Variants in ZNF644 observed in about 807,000 individuals in gnomAD.
ZNF644 encodes zinc finger protein 644.
A neutral mutation model predicts 108.0 loss-of-function variants in ZNF644; 20 were observed. The ratio of observed to expected loss-of-function variants is 0.19; its 90% CI spans 0.13 to 0.27. ZNF644 has a LOEUF of 0.27. Ranked by LOEUF, ZNF644 falls within the 10% of genes least tolerant of loss-of-function variation. ZNF644 has a pLI of 1.00. For missense variants in ZNF644, 1,338 were observed against 1,548.9 expected, an observed-to-expected ratio of 0.86 and a Z score of 2.29; for synonymous variants, 542 against 539.1, an observed-to-expected ratio of 1.01 and a Z score of -0.08.
chr1:90,935,517 C>T, intron 4 of ZNF644: 2 of 985,840 alleles, frequency 2.0e-6, no homozygotes, highest in Non-Finnish European at 2.4e-6. Context: ...ATGTTCTAAG[C>T]TTCACAGGCA....
intron 2 of ZNF644, among the ~76,000 whole-genome samples, chr1:90,942,594 A>G (rs1014173471): frequency 3.3e-5 from 5 of 152,232 alleles, no homozygotes; most frequent in Non-Finnish European, 7.3e-5. Context: ...ATAAAAACAC[A>G]ATTTCAAAAA....
intron 4 of ZNF644, among the ~76,000 whole-genome samples, chr1:90,924,542 A>C (rs358696): frequency 6.6e-6 from 1 of 151,936 alleles, no homozygotes; most frequent in Non-Finnish European, 1.5e-5. Context: ...GAAAACCACC[A>C]AACTTTAAAA....
intron 2 of ZNF644, among the ~76,000 whole-genome samples, chr1:90,977,306 A>G (rs1433436818): frequency 6.6e-6 from 1 of 152,154 alleles, no homozygotes; most frequent in African/African-American, 2.4e-5. Flanking sequence ...ATTTACCATA[A>G]GGAAATATTT....
intron 1 of ZNF644, among the ~76,000 whole-genome samples, chr1:91,006,012 TAAGAA>T (rs1659387725): frequency 6.6e-6 from 1 of 151,790 alleles, no homozygotes; most frequent in Admixed American, 6.6e-5. Context: ...TTAGCTCAAC[TAAGAA>T]AAGATTTAGA....
Position 90,951,183 on chromosome 1 carries a change from A to AC in ZNF644, c.45-9875dup, listed in dbSNP as rs1653124334. On this transcript the variant is annotated intron_variant, in intron 2 of 5. Transcript: ENST00000337393. Reference sequence around the variant, plus strand: ...ATCAGCTGACTAATCTGGTATTAGTACAAGGACAGATCCTTACACACTTAC... The same window carrying AC: ...ATCAGCTGACTAATCTGGTATTAGTACCAAGGACAGATCCTTACACACTTAC... 2.0e-5 allele frequency among the ~76,000 whole-genome samples: 3 copies of AC among 152,364 alleles called. 1 individual carries two copies. The South Asian group carries it at 6.2e-4, about 32-fold the overall frequency.
At chr1:90,966,155 T>C (rs1016034633) in intron 2 of ZNF644, among the ~76,000 whole-genome samples, 4 of 152,338 alleles carry the variant, frequency 2.6e-5, no homozygotes, top group African/African-American at 9.6e-5. Context: ...CCTCCAAATA[T>C]ACTTACGGAT....
chr1:90,953,899 C>A (rs1653458632), intron 2 of ZNF644, among the ~76,000 whole-genome samples: 1 of 151,850 alleles, frequency 6.6e-6, no homozygotes, highest in South Asian at 2.1e-4. Flanking sequence ...GGTGACAGAG[C>A]GAGACTCTGT....
At chr1:90,953,848 A>C (rs1205313607) in intron 2 of ZNF644, among the ~76,000 whole-genome samples, 2 of 151,994 alleles carry the variant, frequency 1.3e-5, no homozygotes, top group Non-Finnish European at 2.9e-5. Context: ...CCTGGGAGGC[A>C]GAGGTTGCAG....
At chr1:90,955,246 T>C (rs1430339430) in intron 2 of ZNF644, among the ~76,000 whole-genome samples, 1 of 152,186 alleles carries the variant, frequency 6.6e-6, no homozygotes, top group Non-Finnish European at 1.5e-5. Flanking sequence ...AGAGCACAGG[T>C]AGAGATTTCG....
chr1:90,953,916 A>AAAC (rs747862064), intron 2 of ZNF644, among the ~76,000 whole-genome samples: 3 of 152,196 alleles, frequency 2.0e-5, no homozygotes, highest in Non-Finnish European at 4.4e-5. Context: ...CTGTCTCAAA[A>AAAC]AACAACAACA....
intron 1 of ZNF644, among the ~76,000 whole-genome samples, chr1:91,013,061 T>A (rs1043812560): frequency 4.6e-5 from 7 of 152,118 alleles, no homozygotes; most frequent in African/African-American, 1.4e-4. Context: ...AAATATTAAT[T>A]CAATATTTAT....
At chr1:90,968,989 T>C (rs1310177081) in intron 2 of ZNF644, among the ~76,000 whole-genome samples, 2 of 152,224 alleles carry the variant, frequency 1.3e-5, no homozygotes, top group Non-Finnish European at 2.9e-5. Context: ...TCATCATTTT[T>C]GGCAAATTTT....
At chr1:91,007,219 C>CTTTTTTTTTT (rs1557658445) in intron 1 of ZNF644, among the ~76,000 whole-genome samples, 1 of 114,248 alleles carries the variant, frequency 8.8e-6, no homozygotes, top group Non-Finnish European at 1.8e-5. Flanking sequence ...CATTTTCTCC[C>CTTTTTTTTTT]ATTTTGTTTT....
chr1:90,936,536 G>GC (rs1457071783), intron 4 of ZNF644, among the ~76,000 whole-genome samples: 1 of 152,054 alleles, frequency 6.6e-6, no homozygotes, highest in African/African-American at 2.4e-5. Context: ...CACAATGTCT[G>GC]CCCCAAAGCA....
intron 1 of ZNF644, chr1:91,021,304 C>T (rs1570606217): frequency 6.5e-6 from 1 of 152,738 alleles, no homozygotes; most frequent in East Asian, 1.9e-4. Context: ...CACCTAGCCG[C>T]ATAAGATCTT....
At chr1:90,935,623 T>C in intron 4 of ZNF644, 1 of 903,394 alleles carries the variant, frequency 1.1e-6, no homozygotes, top group Non-Finnish European at 1.3e-6. Flanking sequence ...ACAATAAAGA[T>C]GGTTTTCAAA....
At chr1:90,948,649 G>A (rs149429429) in intron 2 of ZNF644, among the ~76,000 whole-genome samples, 1,924 of 152,316 alleles carry the variant, frequency 0.013, 33 homozygotes, top group African/African-American at 0.041. Context: ...GGGTGCGGAT[G>A]CAGAACCCAC....
chr1:91,003,029 C>T (rs1659037560), intron 1 of ZNF644, among the ~76,000 whole-genome samples: 1 of 152,166 alleles, frequency 6.6e-6, no homozygotes, highest in Non-Finnish European at 1.5e-5. Flanking sequence ...AGTCAGGAAA[C>T]AACAGGTGCT....
intron 2 of ZNF644, among the ~76,000 whole-genome samples, chr1:90,978,750 G>T (rs1254114787): frequency 6.6e-6 from 1 of 151,804 alleles, no homozygotes; most frequent in Non-Finnish European, 1.5e-5. Flanking sequence ...GTGGAGACAT[G>T]TAAGTTAGGC....
Sources: allele counts gnomAD v4.1 joint callset (sites outside exome capture counted in the v4.1 genomes callset), GRCh38; gene constraint gnomAD v4.1.1; transcripts MANE v1.5; gene names NCBI Gene and HGNC (gene_info 2026-07-23, HGNC 2026-07-21).